Variants in FANCC observed in about 807,000 individuals in gnomAD.
FANCC encodes FA complementation group C, also known as Fanconi anemia group C protein.
FANCC carries 55 observed loss-of-function variants against 71.3 expected under a neutral mutation model. That is an observed-to-expected ratio of 0.77 (90% CI 0.62 to 0.97). The LOEUF (loss-of-function observed/expected upper bound fraction) is 0.97, where lower values mean the gene tolerates loss of function less well. Among genes scored for constraint, FANCC ranks in the 50% least tolerant of loss-of-function variants. The pLI, the probability that FANCC is intolerant of heterozygous loss-of-function variation, is 0.00. For synonymous variants in FANCC, 275 were observed against 244.9 expected (o/e 1.12, Z -1.15); for missense variants, 678 against 670.9 (o/e 1.01, Z -0.12).
intron 4 of FANCC, among the ~76,000 whole-genome samples, chr9:95,230,263 C>A (rs552609854): frequency 6.6e-6 from 1 of 152,282 alleles, no homozygotes; most frequent in Admixed American, 6.5e-5. Context: ...AGTGCAGTCA[C>A]ACCACCACCT....
At chr9:95,147,561 T>C (rs578045842) in intron 7 of FANCC, among the ~76,000 whole-genome samples, 2 of 152,160 alleles carry the variant, frequency 1.3e-5, no homozygotes, top group Non-Finnish European at 2.9e-5. Context: ...CATCAGAGAA[T>C]TCTCTGACTC....
At chr9:95,121,077 T>A (rs1380179543) in intron 10 of FANCC, among the ~76,000 whole-genome samples, 1 of 152,238 alleles carries the variant, frequency 6.6e-6, no homozygotes, top group Non-Finnish European at 1.5e-5. Flanking sequence ...CTTTTTCAGG[T>A]GCTCTGTAGT....
intron 1 of FANCC, chr9:95,292,322 C>A: frequency 1.5e-6 from 1 of 674,532 alleles, no homozygotes; most frequent in Non-Finnish European, 1.8e-6. Context: ...CTGGGCCTGG[C>A]CGCCCTGCGG....
Position 95,150,013 on chromosome 9 carries a change from A to G in FANCC, c.596T>C (p.Leu199Pro), listed in dbSNP as rs143213659. 3.7e-6 allele frequency: 6 copies of G among 1,614,120 alleles called. No individual in the cohort carries two copies. Among genetic ancestry groups the G allele is most frequent in the Non-Finnish European group, 5.1e-6 (6 of 1,180,016 alleles). ...ATGACAGATGAGGAGAGCCTCCACCAGGGGGTCAACATCTGTCAGGGTAAT... is the reference window on the plus strand; with the variant it reads ...ATGACAGATGAGGAGAGCCTCCACCGGGGGGTCAACATCTGTCAGGGTAAT... ...PLITLTDVDPLVEALLICHGR... is the reference protein window; with the variant it reads ...PLITLTDVDPPVEALLICHGR... Residue 199 changes from leucine (L) to proline (P), a missense_variant, in exon 7 of 15, where the codon CTG (leucine) becomes CCG (proline). Physicochemically the swap from Leu to Pro is moderately conservative, Grantham distance 98. Transcript: ENST00000289081.
chr9:95,296,670 CCAAA>C (rs1293131099), intron 1 of FANCC, among the ~76,000 whole-genome samples: 2 of 152,196 alleles, frequency 1.3e-5, no homozygotes, highest in East Asian at 1.9e-4. Context: ...ATTCAGTTAG[CCAAA>C]CAAACACAGT....
intron 4 of FANCC, among the ~76,000 whole-genome samples, chr9:95,186,232 G>A (rs1826697129): frequency 6.6e-6 from 1 of 152,200 alleles, no homozygotes; most frequent in Non-Finnish European, 1.5e-5. Context: ...TAATAAGGCT[G>A]TTGAAACACC....
chr9:95,112,997 G>A (rs1437042814), intron 12 of FANCC, among the ~76,000 whole-genome samples: 1 of 152,220 alleles, frequency 6.6e-6, no homozygotes, highest in Non-Finnish European at 1.5e-5. Flanking sequence ...TGCACAACAT[G>A]TCTCAATCAC....
At chr9:95,249,013 C>T in intron 2 of FANCC, 114 bp downstream of exon 2, 4 of 1,057,872 alleles carry the variant, frequency 3.8e-6, no homozygotes, top group South Asian at 1.3e-5. Flanking sequence ...CCTAATCCAT[C>T]GGCACTTCAG....
In FANCC at chr9:95,289,484, G is replaced by A. The variant is rs538640290; in HGVS notation, c.-79+28042C>T. 9.1e-4 allele frequency among the ~76,000 whole-genome samples: 139 copies of A among 152,194 alleles called. 1 individual carries two copies. Among genetic ancestry groups the A allele is most frequent in the Admixed American group, 7.8e-4 (12 of 15,304 alleles). Reference sequence around the variant, plus strand: ...TCATCTTTCACACTTGTATTTCACGGGGGGATAATAATTTCATGTGTCATC... The same window carrying A: ...TCATCTTTCACACTTGTATTTCACGAGGGGATAATAATTTCATGTGTCATC... On this transcript the variant is annotated intron_variant, in intron 1 of 14. Transcript: ENST00000289081.
rs1442997519 is a variant in FANCC at position 95,194,420 on chromosome 9, G to A, written c.346-22273C>T. On this transcript the variant is annotated intron_variant, in intron 4 of 14. Transcript: ENST00000289081. ...GCTGGCACTAAGAAGATGCAGGAGA[G>A]CATTTGCCTTGGGTACAAAACTATC... 3.3e-5 allele frequency among the ~76,000 whole-genome samples: 5 copies of A among 152,188 alleles called. No individual in the cohort carries two copies. In the East Asian group the frequency reaches 9.6e-4, roughly 29 times the overall value.
At chr9:95,126,440 G>A (rs903296101) in intron 9 of FANCC, 89 bp downstream of exon 9, 33 of 1,265,164 alleles carry the variant, frequency 2.6e-5, no homozygotes, top group Non-Finnish European at 3.7e-5. Context: ...CCATGATACA[G>A]CCAGAGACTA....
intron 4 of FANCC, among the ~76,000 whole-genome samples, chr9:95,183,735 C>T (rs887194477): frequency 4.6e-5 from 7 of 152,162 alleles, no homozygotes; most frequent in Admixed American, 2.6e-4. Context: ...CCTTCGGGTG[C>T]TGGGATTAGA....
intron 13 of FANCC, chr9:95,111,152 A>G (rs1445859215): frequency 7.2e-6 from 11 of 1,535,026 alleles, no homozygotes; most frequent in Non-Finnish European, 9.6e-6. Context: ...CACGCCTTGG[A>G]GGACGCGACC....
Position 95,129,460 on chromosome 9 carries a change from C to T in FANCC, c.844-2879G>A, listed in dbSNP as rs545579776. The stretch of plus-strand genomic sequence containing the variant: ...TCTGTAGCATCTTCATGAGTGATGA[C>T]GCAGGCATCTAACCTCTGATCCTGT... On this transcript the variant is annotated intron_variant, in intron 8 of 14. Coordinates refer to ENST00000289081, the MANE Select transcript of FANCC (RefSeq NM_000136.3). Among the ~76,000 whole-genome samples, 17 of 152,330 alleles carry T rather than the reference C, an allele frequency of 1.1e-4. No homozygotes were observed. The South Asian group carries it at 1.2e-3, about 11-fold the overall frequency.
chr9:95,293,439 C>T, intron 1 of FANCC: 1 of 1,572,576 alleles, frequency 6.4e-7, no homozygotes, highest in Non-Finnish European at 8.6e-7. Flanking sequence ...AGAGAGCCTA[C>T]TTCTTTTCTA....
At chr9:95,116,091 C>G (rs1322823933) in intron 11 of FANCC, among the ~76,000 whole-genome samples, 1 of 152,250 alleles carries the variant, frequency 6.6e-6, no homozygotes, top group South Asian at 2.1e-4. Context: ...CTACAAGTTA[C>G]ACAAACGGAA....
intron 4 of FANCC, among the ~76,000 whole-genome samples, chr9:95,212,043 A>T (rs182279669): frequency 4.0e-4 from 61 of 152,226 alleles, no homozygotes; most frequent in African/African-American, 1.4e-3. Context: ...ACTTAAAGAC[A>T]TAGCAATAAA....
At chr9:95,229,620 C>G (rs114688228) in intron 4 of FANCC, among the ~76,000 whole-genome samples, 6 of 152,060 alleles carry the variant, frequency 3.9e-5, no homozygotes, top group African/African-American at 1.4e-4. Context: ...GGGAAAAGAT[C>G]AGGAATTAAT....
At chr9:95,111,156 C>T (rs749012772) in intron 13 of FANCC, 22 of 1,535,168 alleles carry the variant, frequency 1.4e-5, no homozygotes, top group African/African-American at 1.2e-4. Flanking sequence ...CCTTGGAGGA[C>T]GCGACCCTGG....
Sources: allele counts gnomAD v4.1 joint callset (sites outside exome capture counted in the v4.1 genomes callset), GRCh38; gene constraint gnomAD v4.1.1; transcripts MANE v1.5; gene names NCBI Gene and HGNC (gene_info 2026-07-23, HGNC 2026-07-21).